GLT1D1: variants seen among roughly 807,000 people sequenced by gnomAD.
GLT1D1 encodes the protein glycosyltransferase 1 domain containing 1.
GLT1D1 carries 21 observed loss-of-function variants against 28.7 expected under a neutral mutation model. The ratio of observed to expected loss-of-function variants is 0.73; its 90% CI spans 0.52 to 1.05. The LOEUF is 1.05. GLT1D1 is among the 50% of genes least tolerant of loss of function. The pLI is 0.00. For missense variants in GLT1D1, 343 were observed against 330.6 expected (o/e 1.04, Z -0.29); for synonymous variants, 147 against 124.8 (o/e 1.18, Z -1.19).
Position 128,947,442 on chromosome 12 carries a change from C to G in GLT1D1, c.524C>G (p.Ser175Ter), listed in dbSNP as rs1876245957. ...AATAGCTCTGTCTCTGAAGGCATGT[C>G]AGCTGCAATTTTGGAGGTAATTATG... The change falls in exon 6 of 8, where the codon TCA becomes TGA. Residue 175 changes from serine to a stop codon, truncating the protein, a stop_gained. Transcript: ENST00000281703. LOFTEE classifies it high-confidence loss of function. The G allele has an allele frequency of 6.2e-7, 1 of 1,614,028 alleles. No homozygotes were observed. Among genetic ancestry groups the G allele is most frequent in the South Asian group, 1.1e-5 (1 of 91,078 alleles).
chr12:128,925,035 TTTTTG>T (rs1471779182), intron 4 of GLT1D1, among the ~76,000 whole-genome samples: 1 of 151,828 alleles, frequency 6.6e-6, no homozygotes, highest in African/African-American at 2.4e-5. Flanking sequence ...AATAAATTGT[TTTTTG>T]TTTTTTTTTT....
At chr12:128,908,333 TCTTTCTTTCTTTCC>T (rs1354299610) in intron 4 of GLT1D1, among the ~76,000 whole-genome samples, 1 of 144,784 alleles carries the variant, frequency 6.9e-6, no homozygotes, top group African/African-American at 2.6e-5. Context: ...CTTCTTTCTT[TCTTTCTTTCTTTCC>T]CTTTCTTTCT....
Position 128,853,665 on chromosome 12 carries a change from CG to C in GLT1D1, c.68+20del, listed in dbSNP as rs1301235888. ...AGCGCGTTCGGTAGGTGCAGGGCGCCGGGGCCTACGAAGCCTGGGCCGGGGG... is the reference window on the plus strand; with the variant it reads ...AGCGCGTTCGGTAGGTGCAGGGCGCCGGGCCTACGAAGCCTGGGCCGGGGG... On this transcript the variant is annotated intron_variant, in intron 1 of 7. Transcript: ENST00000281703. The C allele has an allele frequency of 3.6e-6, 4 of 1,099,000 alleles. No homozygotes were observed. Among genetic ancestry groups the C allele is most frequent in the South Asian group, 3.6e-5 (1 of 27,628 alleles). 68.1% of individuals were successfully genotyped at this position (1,099,000 alleles called of 1,614,324 possible).
intron 1 of GLT1D1, chr12:128,864,155 C>A (rs1248859433): frequency 1.5e-6 from 1 of 684,680 alleles, no homozygotes; most frequent in Non-Finnish European, 2.7e-6. Context: ...ATGCTGACTG[C>A]GAGGTGCCTG....
chr12:128,930,568 G>A (rs1259634291), intron 4 of GLT1D1: 1 of 152,254 alleles, frequency 6.6e-6, no homozygotes, highest in Non-Finnish European at 1.5e-5. Flanking sequence ...GTGTGGGATG[G>A]AAGAAATACT....
intron 2 of GLT1D1, among the ~76,000 whole-genome samples, chr12:128,876,373 A>G (rs764520631): frequency 1.3e-5 from 2 of 152,138 alleles, no homozygotes; most frequent in East Asian, 1.9e-4. Flanking sequence ...CAGTGATACA[A>G]TCTCGGCTCG....
At chr12:128,961,848 T>A (rs568846570) in intron 7 of GLT1D1, among the ~76,000 whole-genome samples, 1 of 152,240 alleles carries the variant, frequency 6.6e-6, no homozygotes, top group African/African-American at 2.4e-5. Flanking sequence ...CACTGACACA[T>A]AAAATTAACC....
chr12:128,923,219 T>A (rs1204513570), intron 4 of GLT1D1, among the ~76,000 whole-genome samples: 1 of 152,182 alleles, frequency 6.6e-6, no homozygotes, highest in Non-Finnish European at 1.5e-5. Flanking sequence ...TGAAAGTGCT[T>A]GAATTAAATA....
chr12:128,948,996 G>A (rs12578924), intron 6 of GLT1D1, among the ~76,000 whole-genome samples: 14,773 of 152,216 alleles, frequency 0.097, 961 homozygotes, highest in Middle Eastern at 0.17. Context: ...TCAGCCAGAT[G>A]TCAGCACCTC....
intron 6 of GLT1D1, among the ~76,000 whole-genome samples, chr12:128,953,337 T>C (rs1876922076): frequency 6.6e-6 from 1 of 152,124 alleles, no homozygotes. Context: ...TTTAATTTTA[T>C]TTTTATTATT....
chr12:128,963,170 G>A (rs772806546), intron 7 of GLT1D1, among the ~76,000 whole-genome samples: 1 of 152,196 alleles, frequency 6.6e-6, no homozygotes, highest in Non-Finnish European at 1.5e-5. Flanking sequence ...TACCTGAGGA[G>A]GACACATCAA....
In GLT1D1 at chr12:128,874,120, C is replaced by CTT. The variant is rs1555261630; in HGVS notation, c.69-1793_69-1792insTT. 1.2e-3 allele frequency among the ~76,000 whole-genome samples: 64 copies of CTT among 52,794 alleles called. 2 individuals are homozygous for CTT. Among genetic ancestry groups the CTT allele is most frequent in the African/African-American group, 3.3e-3 (38 of 11,380 alleles). 34.6% of individuals were successfully genotyped at this position (52,794 alleles called of 152,430 possible). On this transcript the variant is annotated intron_variant, in intron 1 of 7. Transcript: ENST00000281703. The stretch of plus-strand genomic sequence containing the variant: ...TCTTTCTCTCTCTCTCTCTCTCTCT[C>CTT]TCTCTCTTTCTTTCTTTCTTTCTTT...
At chr12:128,936,510 T>A (rs2135470344) in intron 4 of GLT1D1, among the ~76,000 whole-genome samples, 1 of 152,308 alleles carries the variant, frequency 6.6e-6, no homozygotes, top group East Asian at 1.9e-4. Context: ...TGAGATTCTG[T>A]TTTAGCTGCA....
chr12:128,888,845 C>A, intron 3 of GLT1D1, 101 bp downstream of exon 3: 1 of 733,968 alleles, frequency 1.4e-6, no homozygotes, highest in Non-Finnish European at 2.3e-6. Context: ...GGAAGGTTTA[C>A]ATCTTAGCAC....
At chr12:128,944,657 C>T (rs753054116) in intron 4 of GLT1D1, 20 of 730,018 alleles carry the variant, frequency 2.7e-5, no homozygotes, top group African/African-American at 6.9e-5. Context: ...AGGGCTTCTG[C>T]CTGTGGAAGT....
intron 4 of GLT1D1, among the ~76,000 whole-genome samples, chr12:128,914,677 G>A (rs528863991): frequency 2.6e-5 from 4 of 152,084 alleles, no homozygotes; most frequent in South Asian, 2.1e-4. Context: ...AAAATTAGCC[G>A]GGTGTGGCAG....
Position 128,903,117 on chromosome 12 carries a change from A to G in GLT1D1, c.375+3830A>G, listed in dbSNP as rs536490345. ...TTTCTCTAACTTGTCAGCCTTCAAT[A>G]TCATCCTCCACCATAAATCCTTCCT... On this transcript the variant is annotated intron_variant, in intron 4 of 7. Coordinates refer to ENST00000281703, the MANE Select transcript of GLT1D1 (RefSeq NM_144669.3). Among the ~76,000 whole-genome samples, 60 of 151,656 alleles carry G rather than the reference A, an allele frequency of 4.0e-4. 1 individual carries two copies. Among genetic ancestry groups the G allele is most frequent in the African/African-American group, 1.5e-3 (60 of 41,102 alleles).
At chr12:128,941,752 GT>G (rs1465324039) in intron 4 of GLT1D1, among the ~76,000 whole-genome samples, 1 of 150,912 alleles carries the variant, frequency 6.6e-6, no homozygotes, top group Admixed American at 6.6e-5. Flanking sequence ...CAATTTTTGT[GT>G]TTTTAGTAGA....
intron 6 of GLT1D1, among the ~76,000 whole-genome samples, chr12:128,956,146 G>A (rs1306456318): frequency 9.5e-4 from 3 of 3,166 alleles, no homozygotes; most frequent in East Asian, 0.026. Flanking sequence ...GTGACAGAGC[G>A]AGACTCCATC....
Sources: gnomAD v4.1 joint callset for allele counts (sites outside exome capture counted in the v4.1 genomes callset) on GRCh38, gnomAD v4.1.1 for gene constraint, MANE v1.5 for transcripts, NCBI Gene and HGNC (gene_info 2026-07-23, HGNC 2026-07-21) for gene names.